Variants in SLC30A10 observed in about 807,000 individuals in gnomAD.
SLC30A10 encodes solute carrier family 30 member 10.
Under a neutral mutation model 21.7 loss-of-function variants are expected in SLC30A10, and 8 were observed. That is an observed-to-expected ratio of 0.37 (90% CI 0.22 to 0.67). SLC30A10 has a LOEUF of 0.67. Ranked by LOEUF, SLC30A10 falls within the 30% of genes least tolerant of loss-of-function variation. SLC30A10 has a pLI of 0.58. For missense variants in SLC30A10, 521 were observed against 642.5 expected, an observed-to-expected ratio of 0.81 and a Z score of 2.04; for synonymous variants, 272 against 279.4, an observed-to-expected ratio of 0.97 and a Z score of 0.26.
intron 1 of SLC30A10, among the ~76,000 whole-genome samples, chr1:219,953,496 T>G (rs1163218941): frequency 6.6e-6 from 1 of 151,360 alleles, no homozygotes; most frequent in African/African-American, 2.4e-5. Context: ...CTCGGGAGGC[T>G]GAGGCAGGAG....
chr1:219,928,150 G>C lies in SLC30A10; in HGVS notation c.291C>G (p.Phe97Leu). Residue 97 changes from phenylalanine to leucine, a missense_variant, in exon 1 of 4, where the codon TTC becomes TTG. Transcript: ENST00000366926. This position sits in a 1 kb window ranked among gnomAD's most constrained non-coding sequence, Gnocchi z 6.3. ...VFLTALCFTI[F>L]VEAVLRLARP... ...GGGCCAGGCGCAGCACGGCCTCCAC[G>C]AAGATGGTGAAGCAGAGCGCGGTGA... 5.1e-6 allele frequency: 8 copies of C among 1,561,256 alleles called. No homozygotes were observed. Among genetic ancestry groups the C allele is most frequent in the Non-Finnish European group, 6.9e-6 (8 of 1,153,028 alleles).
In SLC30A10 at chr1:219,928,001, C is replaced by G. The variant is rs886046002; in HGVS notation, c.440G>C (p.Gly147Ala). 2 of 1,559,606 alleles carry G rather than the reference C, an allele frequency of 1.3e-6. No homozygotes were observed. The highest frequency in any genetic ancestry group is 2.7e-5 in the African/African-American group (2 of 72,748). The stretch of plus-strand genomic sequence containing the variant: ...CCGCTGCTGCAGGCGGCGACTGCGT[C>G]CCCGGAGGCAGCACGCGAACCAGGC... ...CAAWFACCLR[G>A]RSRRLQQRQQ... Residue 147 changes from glycine to alanine, a missense_variant, in exon 1 of 4, where the codon GGA (glycine) becomes GCA (alanine). By Grantham distance (60) the Gly-to-Ala change is moderately conservative. Transcript: ENST00000366926. The surrounding 1 kb of genome is among the most constrained non-coding windows in gnomAD (Gnocchi z 6.3).
intron 1 of SLC30A10, among the ~76,000 whole-genome samples, chr1:219,952,181 G>GCCA (rs375590457): frequency 1.2e-4 from 18 of 152,014 alleles, no homozygotes; most frequent in African/African-American, 4.1e-4. Context: ...ATCACTACCA[G>GCCA]CCACCACCAC....
intron 1 of SLC30A10, among the ~76,000 whole-genome samples, chr1:219,927,540 A>C (rs1436185207): frequency 4.0e-5 from 6 of 151,154 alleles, no homozygotes; most frequent in Non-Finnish European, 8.8e-5. Flanking sequence ...AAAAGAGGCC[A>C]GGGCTACCCG....
Position 219,915,509 on chromosome 1 carries a change from G to A in SLC30A10, c.1398C>T (p.His466=), listed in dbSNP as rs148517155. 7 of 1,614,210 alleles carry A rather than the reference G, an allele frequency of 4.3e-6. No individual in the cohort carries two copies. In the South Asian group the frequency reaches 4.4e-5, roughly 10 times the overall value. The change falls in exon 4 of 4, where the codon CAC becomes CAT. Residue 466 remains histidine (H), a synonymous_variant. Transcript: ENST00000366926. ...EVSLDSCLSD[H]GQSLNKTQED... ...CCTGAGTTTTGTTAAGACTTTGTCC[G>A]TGGTCACTCAGACAGCTATCCAAAG...
upstream of SLC30A10, among the ~76,000 whole-genome samples, chr1:219,930,043 G>A (rs1659943876): frequency 6.6e-6 from 1 of 152,134 alleles, no homozygotes; most frequent in Non-Finnish European, 1.5e-5. Context: ...TGAAGGTGCA[G>A]TCTGGTCATC....
chr1:219,932,067 T>C (rs2102538440), upstream of SLC30A10, among the ~76,000 whole-genome samples: 1 of 151,362 alleles, frequency 6.6e-6, no homozygotes, highest in African/African-American at 2.4e-5. Flanking sequence ...AATCATCTTT[T>C]TTTTTTTTTT....
upstream of SLC30A10, among the ~76,000 whole-genome samples, chr1:219,958,862 T>C (rs1445863476): frequency 4.6e-5 from 7 of 152,090 alleles, no homozygotes; most frequent in Non-Finnish European, 1.0e-4. Flanking sequence ...AAAAAACCTA[T>C]GATCATGGAC....
intron 1 of SLC30A10, 30 bp downstream of exon 1, chr1:219,927,771 A>G: frequency 6.7e-7 from 1 of 1,496,932 alleles, no homozygotes. Context: ...GGAAGGGCCA[A>G]GCGGTCCAAA....
chr1:219,920,036 A>G (rs879615168), intron 2 of SLC30A10, among the ~76,000 whole-genome samples: 23 of 152,138 alleles, frequency 1.5e-4, no homozygotes, highest in Non-Finnish European at 2.6e-4. Flanking sequence ...AAATAACATC[A>G]TAGGTAAAAT....
At position 219,913,330 on chromosome 1, in the gene SLC30A10, G is replaced by T. The variant is rs1056984258; in HGVS notation, c.*2119C>A. ...AGGTTTAATTACAGTGGAATTAAGT[G>T]CCTTTTCTTACCCAGAAAAATATTT... On this transcript the variant is annotated 3_prime_UTR_variant, in exon 4 of 4. Coordinates refer to ENST00000366926, the MANE Select transcript of SLC30A10 (RefSeq NM_018713.3). 3.9e-5 allele frequency among the ~76,000 whole-genome samples: 6 copies of T among 152,212 alleles called. No individual in the cohort carries two copies. The highest frequency in any genetic ancestry group is 1.4e-4 in the African/African-American group (6 of 41,462).
intron 1 of SLC30A10, among the ~76,000 whole-genome samples, chr1:219,943,969 G>A (rs545930239): frequency 2.2e-4 from 33 of 151,740 alleles, no homozygotes; most frequent in East Asian, 1.6e-3. Flanking sequence ...GCATGGTGGT[G>A]GGCACCTGTA....
chr1:219,932,021 G>A (rs1322049741), upstream of SLC30A10, among the ~76,000 whole-genome samples: 1 of 151,668 alleles, frequency 6.6e-6, no homozygotes, highest in Non-Finnish European at 1.5e-5. Flanking sequence ...TCAAACTCTA[G>A]AGCTTACACC....
At chr1:219,929,031 T>C (rs574507212), upstream of SLC30A10, among the ~76,000 whole-genome samples, 2 of 152,360 alleles carry the variant, frequency 1.3e-5, no homozygotes, top group East Asian at 3.9e-4. Flanking sequence ...GAGCACAGGC[T>C]TGGGGCAACT....
rs1055171201 is a variant in SLC30A10 at position 219,911,494 on chromosome 1, A to C, written c.*3955T>G. 6.6e-6 allele frequency among the ~76,000 whole-genome samples: 1 copy of C among 152,140 alleles called. No individual in the cohort carries two copies. The highest frequency in any genetic ancestry group is 2.4e-5 in the African/African-American group (1 of 41,442). On this transcript the variant is annotated 3_prime_UTR_variant, in exon 4 of 4. Coordinates refer to ENST00000366926, the MANE Select transcript of SLC30A10 (RefSeq NM_018713.3). ...ATTGGATAGTGGGCTCATCAAATTG[A>C]GGATATTCAGGAGTTAAAGAGATCA...
chr1:219,935,018 GA>G (rs1660028207), intron 1 of SLC30A10, among the ~76,000 whole-genome samples: 1 of 152,170 alleles, frequency 6.6e-6, no homozygotes, highest in East Asian at 1.9e-4. Flanking sequence ...GGCAGTTTAA[GA>G]AACACTTTTC....
chr1:219,918,264 C>A lies in SLC30A10; in HGVS notation c.949G>T (p.Glu317Ter). 6.2e-7 allele frequency: 1 copy of A among 1,613,974 alleles called. No individual in the cohort carries two copies. Among genetic ancestry groups the A allele is most frequent in the African/African-American group, 1.3e-5 (1 of 75,028 alleles). The change falls in exon 3 of 4, where the codon GAA (glutamate) becomes TAA (stop). Residue 317 changes from glutamate to a stop codon, truncating the protein, a stop_gained. Coordinates refer to ENST00000366926, the MANE Select transcript of SLC30A10 (RefSeq NM_018713.3). LOFTEE classifies it low-confidence loss of function (END_TRUNC). The surrounding 1 kb of genome is among the most constrained non-coding windows in gnomAD (Gnocchi z 4.4). ...LQMVPKGVNM[E>*]ELMSKLSAVP... ...AATTCAGTCTACTTACTCAGCTCTT[C>A]CATGTTGACTCCTTTTGGGACCATC...
rs1659890907 is a variant in SLC30A10, at chr1:219,928,098, G to C, written c.343C>G (p.Leu115Val). Residue 115 changes from leucine (L) to valine (V), a missense_variant, in exon 1 of 4, where the codon CTG (leucine) becomes GTG (valine). By Grantham distance (32) the Leu-to-Val change is conservative. Coordinates refer to ENST00000366926, the MANE Select transcript of SLC30A10 (RefSeq NM_018713.3). This position sits in a 1 kb window ranked among gnomAD's most constrained non-coding sequence, Gnocchi z 6.3. ...CCCAGGACGCCGACGATGAGCACCAGCTCGGGGTCATCGATGCGCTCGGGC... is the reference window on the plus strand; with the variant it reads ...CCCAGGACGCCGACGATGAGCACCACCTCGGGGTCATCGATGCGCTCGGGC... ...ARPERIDDPELVLIVGVLGLL... is the reference protein window; with the variant it reads ...ARPERIDDPEVVLIVGVLGLL... 6.3e-7 allele frequency: 1 copy of C among 1,582,140 alleles called. No individual in the cohort carries two copies. The highest frequency in any genetic ancestry group is 1.4e-5 in the African/African-American group (1 of 73,842).
intron 1 of SLC30A10, among the ~76,000 whole-genome samples, chr1:219,941,737 C>T (rs1660126024): frequency 6.6e-6 from 1 of 151,500 alleles, no homozygotes; most frequent in South Asian, 2.1e-4. Context: ...CCTCTCTCAT[C>T]TCTTTCACAT....
Sources: allele counts gnomAD v4.1 joint callset (sites outside exome capture counted in the v4.1 genomes callset), GRCh38; gene constraint gnomAD v4.1.1; non-coding constraint Gnocchi (gnomAD v3.1); transcripts MANE v1.5; gene names NCBI Gene and HGNC (gene_info 2026-07-23, HGNC 2026-07-21).